The following ZFP64 variants were observed in gnomAD, a reference collection of about 807,000 sequenced individuals.
ZFP64 encodes ZFP64 zinc finger protein.
A neutral mutation model predicts 51.6 loss-of-function variants in ZFP64; 14 were observed. The ratio of observed to expected loss-of-function variants is 0.27; its 90% CI spans 0.18 to 0.42. ZFP64 has a LOEUF of 0.42. Ranked by LOEUF, ZFP64 falls within the 10% of genes least tolerant of loss-of-function variation. The probability of loss-of-function intolerance (pLI) is 1.00; values close to 1 mark genes in which losing one functional copy is unlikely to be tolerated. For synonymous variants in ZFP64, 375 were observed against 361.4 expected (o/e 1.04, Z -0.43); for missense variants, 754 against 906.8 (o/e 0.83, Z 2.16).
intron 7 of ZFP64, among the ~76,000 whole-genome samples, chr20:52,089,313 T>C (rs750885954): frequency 1.1e-4 from 16 of 152,076 alleles, no homozygotes; most frequent in Admixed American, 2.6e-4. Context: ...GGAAATGAAA[T>C]TAGAGAAATG....
intron 5 of ZFP64, among the ~76,000 whole-genome samples, chr20:52,114,838 G>T (rs966014222): frequency 6.6e-6 from 1 of 152,068 alleles, no homozygotes; most frequent in Non-Finnish European, 1.5e-5. Flanking sequence ...AAAAAATGAA[G>T]AAACATCCTC....
chr20:52,126,760 C>T (rs1236652986), intron 5 of ZFP64, among the ~76,000 whole-genome samples: 1 of 152,074 alleles, frequency 6.6e-6, no homozygotes, highest in Non-Finnish European at 1.5e-5. Context: ...ACATCTTATG[C>T]CTTTTATGCA....
At chr20:52,179,055 A>G (rs537833955) in intron 2 of ZFP64, among the ~76,000 whole-genome samples, 3 of 152,264 alleles carry the variant, frequency 2.0e-5, no homozygotes, top group Non-Finnish European at 4.4e-5. Context: ...ATTCCCATGT[A>G]TCATGGGAGG....
chr20:52,142,596 C>G (rs2122918075), intron 5 of ZFP64, among the ~76,000 whole-genome samples: 1 of 151,980 alleles, frequency 6.6e-6, no homozygotes, highest in East Asian at 1.9e-4. Flanking sequence ...AATCCCAGCA[C>G]TTTGGGAGGC....
At chr20:52,123,909 A>T (rs1479994663) in intron 5 of ZFP64, among the ~76,000 whole-genome samples, 1 of 151,822 alleles carries the variant, frequency 6.6e-6, no homozygotes, top group Non-Finnish European at 1.5e-5. Context: ...TCGCTCTGTC[A>T]CCCAGGCTCA....
At chr20:52,180,818 T>C (rs186864358) in intron 2 of ZFP64, among the ~76,000 whole-genome samples, 1 of 152,312 alleles carries the variant, frequency 6.6e-6, no homozygotes, top group Non-Finnish European at 1.5e-5. Context: ...GTAAGTAACC[T>C]GCCCAAGGTC....
At position 52,186,930 on chromosome 20, in the gene ZFP64, G is replaced by T; in HGVS notation, c.188C>A (p.Ala63Asp). The T allele has an allele frequency of 6.2e-7, 1 of 1,614,090 alleles. No homozygotes were observed. Among genetic ancestry groups the T allele is most frequent in the Non-Finnish European group, 8.5e-7 (1 of 1,179,962 alleles). The change falls in exon 2 of 6, where the codon GCC becomes GAC. Residue 63 changes from alanine to aspartate, a missense_variant. Transcript: ENST00000216923. ...GCQLTGTSAA[A>D]PSTVQFVSEE... ...CGATACAAACTGGACCGTGCTGGGG[G>T]CTGCTGCGGATGTGCCTGTCAGCTG...
At chr20:52,101,754 A>C (rs113172188) in intron 5 of ZFP64, among the ~76,000 whole-genome samples, 1,655 of 151,726 alleles carry the variant, frequency 0.011, 25 homozygotes, top group African/African-American at 0.037. Context: ...ATTCTGCTGT[A>C]TTACTTGTAA....
chr20:52,135,573 A>G (rs1322432527), intron 5 of ZFP64, among the ~76,000 whole-genome samples: 1 of 151,844 alleles, frequency 6.6e-6, no homozygotes, highest in East Asian at 2.0e-4. Flanking sequence ...TGCAGCATTG[A>G]CGTCCTGGGC....
At chr20:52,098,602 T>C (rs758969865) in intron 5 of ZFP64, 23 of 1,613,832 alleles carry the variant, frequency 1.4e-5, no homozygotes, top group Admixed American at 3.3e-5. Flanking sequence ...AATTGAGGCA[T>C]AGTTTTGCTT....
chr20:52,188,543 G>T (rs532748650), intron 1 of ZFP64, among the ~76,000 whole-genome samples: 16 of 151,012 alleles, frequency 1.1e-4, no homozygotes, highest in African/African-American at 3.9e-4. Flanking sequence ...TCGATCTCCT[G>T]ACCTCGTGAT....
chr20:52,151,708 A>C lies in ZFP64; in HGVS notation c.*438T>G, dbSNP rs1026924567. On this transcript the variant is annotated 3_prime_UTR_variant, in exon 6 of 6. Coordinates refer to ENST00000216923, the MANE Select transcript of ZFP64 (RefSeq NM_018197.3). ...AAATTATAGTAAGCAGTATAAAATT[A>C]CAATTTATTATGGGGCCAGGGGGAT... 4.0e-6 allele frequency: 4 copies of C among 996,450 alleles called. No homozygotes were observed. The highest frequency in any genetic ancestry group is 3.6e-6 in the Non-Finnish European group (3 of 835,710). 61.7% of individuals were successfully genotyped at this position (996,450 alleles called of 1,614,324 possible). A position where few individuals can be genotyped will look rare whatever the true frequency, so the allele number is the denominator to read the frequency against.
intron 7 of ZFP64, among the ~76,000 whole-genome samples, chr20:52,090,591 G>A (rs2078912946): frequency 6.6e-6 from 1 of 151,964 alleles, no homozygotes. Context: ...ATGAAGTCAG[G>A]AGTTCGAGAC....
At chr20:52,086,501 A>G (rs531360017) in intron 8 of ZFP64, among the ~76,000 whole-genome samples, 1 of 146,592 alleles carries the variant, frequency 6.8e-6, no homozygotes, top group Admixed American at 6.8e-5. Flanking sequence ...TTTTTGATAC[A>G]GAGTCTCACT....
chr20:52,151,222 T>C (rs1345805262), downstream of ZFP64: 2 of 985,202 alleles, frequency 2.0e-6, no homozygotes, highest in Middle Eastern at 5.2e-4. Context: ...GATTAATGAC[T>C]CACGCCCCAT....
chr20:52,105,176 C>A (rs1383709191), intron 5 of ZFP64: 3 of 1,436,630 alleles, frequency 2.1e-6, no homozygotes, highest in South Asian at 1.6e-5. Flanking sequence ...ACACTCCCGG[C>A]GCGCAGGCCG....
chr20:52,153,237 G>A lies in ZFP64; in HGVS notation c.955C>T (p.His319Tyr), dbSNP rs34187458. The change falls in exon 6 of 6, where the codon CAT (histidine) becomes TAT (tyrosine). Residue 319 changes from histidine (H) to tyrosine (Y), a missense_variant. His to Tyr is a moderately conservative substitution (Grantham distance 83). Coordinates refer to ENST00000216923, the MANE Select transcript of ZFP64 (RefSeq NM_018197.3). This position sits in a 1 kb window ranked among gnomAD's most constrained non-coding sequence, Gnocchi z 5.1. ...TTGCTGTCACCCAGGAAGTCGCAATGAGGACACTTGAAGTTATTCCCGCTG... is the reference window on the plus strand; with the variant it reads ...TTGCTGTCACCCAGGAAGTCGCAATAAGGACACTTGAAGTTATTCCCGCTG... ...KHSGNNFKCP[H>Y]CDFLGDSKAT... The A allele has an allele frequency of 7.3e-5, 118 of 1,614,242 alleles. No individual in the cohort carries two copies. The African/African-American group carries it at 1.4e-3, about 19-fold the overall frequency.
At chr20:52,189,588 G>C (rs950615321) in intron 1 of ZFP64, among the ~76,000 whole-genome samples, 1 of 150,996 alleles carries the variant, frequency 6.6e-6, no homozygotes, top group Non-Finnish European at 1.5e-5. Context: ...CGATTCTCCT[G>C]CCTCAGCCTC....
intron 5 of ZFP64, chr20:52,104,534 C>G (rs369338913): frequency 3.3e-5 from 12 of 363,742 alleles, no homozygotes; most frequent in East Asian, 2.2e-4. Context: ...CCCCCGCCCC[C>G]CACCGTCTGC....
Sources: allele counts gnomAD v4.1 joint callset (sites outside exome capture counted in the v4.1 genomes callset), GRCh38; gene constraint gnomAD v4.1.1; non-coding constraint Gnocchi (gnomAD v3.1); transcripts MANE v1.5; gene names NCBI Gene and HGNC (gene_info 2026-07-23, HGNC 2026-07-21).